Variants in ZNF676 observed in about 807,000 individuals in gnomAD.
The protein encoded by ZNF676 is zinc finger protein 676.
ZNF676 carries 4 observed loss-of-function variants against 6.0 expected under a neutral mutation model. That is an observed-to-expected ratio of 0.67 (90% CI 0.33 to 1.53). ZNF676 has a LOEUF of 1.53. ZNF676 is among the 40% of genes most tolerant of loss of function. The pLI is 0.06. For synonymous variants in ZNF676, 198 were observed against 223.1 expected (o/e 0.89, Z 1.00); for missense variants, 644 against 679.7 (o/e 0.95, Z 0.58).
intron 1 of ZNF676, chr19:22,215,542 CG>C: frequency 7.6e-6 from 11 of 1,453,222 alleles, no homozygotes; most frequent in Non-Finnish European, 1.1e-5. Context: ...GAGCTGACTG[CG>C]GGTAGGCTTG....
chr19:22,222,898 T>C, the ZNF676 span, among the ~76,000 whole-genome samples: 800 of 152,358 alleles, frequency 5.3e-3, 5 homozygotes, highest in Non-Finnish European at 8.6e-3. Flanking sequence ...GATCTGCATA[T>C]GGTGGGGCTT....
At chr19:22,181,650 ATCTAACCTATAAAATTAT>A (rs2023755325) in intron 2 of ZNF676, 64 bp from the exon 3 acceptor site, 2 of 1,267,278 alleles carry the variant, frequency 1.6e-6, no homozygotes, top group Non-Finnish European at 2.1e-6. Flanking sequence ...CAGTTTCCAA[ATCTAACCTATAAAATTAT>A]TCAAACTACA....
chr19:22,179,117 G>C lies in ZNF676; in HGVS notation c.*833C>G, dbSNP rs550921383. 1 of 154,954 alleles carries C rather than the reference G, an allele frequency of 6.5e-6. No homozygotes were observed. The highest frequency in any genetic ancestry group is 2.0e-4 in the South Asian group (1 of 5,048). 9.6% of individuals were successfully genotyped at this position (154,954 alleles called of 1,614,324 possible). A position where few individuals can be genotyped will look rare whatever the true frequency, so the allele number is the denominator to read the frequency against. ...AATGTGTGCCACATTGTTTATTCTA[G>C]TAGTTTTCTCCAGTATATTATCTTA... On this transcript the variant is annotated 3_prime_UTR_variant, in exon 3 of 3. Coordinates refer to ENST00000397121, the MANE Select transcript of ZNF676 (RefSeq NM_001001411.3).
chr19:22,192,473 A>G (rs979699920), intron 2 of ZNF676, among the ~76,000 whole-genome samples: 1 of 152,126 alleles, frequency 6.6e-6, no homozygotes, highest in Non-Finnish European at 1.5e-5. Context: ...TGAAGCTACA[A>G]GAAACTGTGA....
At chr19:22,182,537 C>G (rs1018823433) in intron 2 of ZNF676, among the ~76,000 whole-genome samples, 1 of 74,992 alleles carries the variant, frequency 1.3e-5, no homozygotes, top group Non-Finnish European at 2.6e-5. Context: ...GAATTGTCAA[C>G]AAAAGATTTG....
At chr19:22,225,276 T>C in the ZNF676 span, among the ~76,000 whole-genome samples, 3 of 152,208 alleles carry the variant, frequency 2.0e-5, no homozygotes, top group Admixed American at 2.0e-4. Context: ...TATCTTAAAA[T>C]GTGACAAAAT....
At chr19:22,256,215 G>A in the ZNF676 span, among the ~76,000 whole-genome samples, 1 of 152,216 alleles carries the variant, frequency 6.6e-6, no homozygotes, top group Non-Finnish European at 1.5e-5. Context: ...TTTAAGATAT[G>A]AGAGTCATCA....
At chr19:22,233,801 T>C in the ZNF676 span, among the ~76,000 whole-genome samples, 1 of 152,206 alleles carries the variant, frequency 6.6e-6, no homozygotes, top group Non-Finnish European at 1.5e-5. Flanking sequence ...CAGGGGTAGC[T>C]GGGGAAAGAT....
At chr19:22,188,914 A>T (rs1361002244) in intron 2 of ZNF676, among the ~76,000 whole-genome samples, 2 of 152,202 alleles carry the variant, frequency 1.3e-5, no homozygotes, top group African/African-American at 4.8e-5. Flanking sequence ...ATATCGTGAA[A>T]ATGGCCATAC....
chr19:22,243,592 C>G, the ZNF676 span: 1 of 152,018 alleles, frequency 6.6e-6, no homozygotes, highest in African/African-American at 2.4e-5. Flanking sequence ...GGGTTTTCAC[C>G]TGTGTGCTGG....
chr19:22,235,020 G>GA, the ZNF676 span, among the ~76,000 whole-genome samples: 40 of 56,700 alleles, frequency 7.1e-4, 1 homozygote, highest in South Asian at 4.8e-3. Flanking sequence ...AAGAAAGAAA[G>GA]AAAGAAAGAA....
the ZNF676 span, among the ~76,000 whole-genome samples, chr19:22,241,625 A>G: frequency 6.6e-6 from 1 of 151,550 alleles, no homozygotes; most frequent in African/African-American, 2.4e-5. Flanking sequence ...CGGTCTCTCT[A>G]TCAATCAAGG....
At chr19:22,253,404 G>GTGTATATATATATATATA in the ZNF676 span, among the ~76,000 whole-genome samples, 820 of 96,792 alleles carry the variant, frequency 8.5e-3, 10 homozygotes, top group South Asian at 0.026. Context: ...ATGATAATGT[G>GTGTATATATATATATATA]TATATATATA....
intron 1 of ZNF676, chr19:22,203,342 G>A (rs2024044581): frequency 1.3e-5 from 2 of 153,428 alleles, no homozygotes; most frequent in African/African-American, 2.4e-5. Flanking sequence ...CAGACACCAC[G>A]GAATACTAAT....
At chr19:22,194,711 C>T (rs537531946) in intron 1 of ZNF676, among the ~76,000 whole-genome samples, 1 of 152,186 alleles carries the variant, frequency 6.6e-6, no homozygotes, top group African/African-American at 2.4e-5. Context: ...AAAATTTCAT[C>T]ATAATAACAC....
At chr19:22,223,828 T>A in the ZNF676 span, among the ~76,000 whole-genome samples, 1 of 152,044 alleles carries the variant, frequency 6.6e-6, no homozygotes, top group African/African-American at 2.4e-5. Flanking sequence ...TTTAATTATA[T>A]TCTGCAGACT....
Position 22,179,546 on chromosome 19 carries a change from T to C in ZNF676, c.*404A>G. ...CTTCACATTTGTAGGGTTTCCCTCC[T>C]GTATAAATTCCCTTATGTTCAGTAA... On this transcript the variant is annotated 3_prime_UTR_variant, in exon 3 of 3. Transcript: ENST00000397121. 2 of 396,230 alleles carry C rather than the reference T, an allele frequency of 5.0e-6. No homozygotes were observed. Among genetic ancestry groups the C allele is most frequent in the Admixed American group, 3.3e-5 (1 of 30,636 alleles). 24.5% of individuals were successfully genotyped at this position (396,230 alleles called of 1,614,324 possible).
At chr19:22,234,420 A>G in the ZNF676 span, among the ~76,000 whole-genome samples, 36 of 152,280 alleles carry the variant, frequency 2.4e-4, no homozygotes, top group South Asian at 8.3e-4. Flanking sequence ...GATCACATAT[A>G]TACCACATCC....
At chr19:22,223,435 C>A in the ZNF676 span, among the ~76,000 whole-genome samples, 7 of 151,918 alleles carry the variant, frequency 4.6e-5, no homozygotes, top group Non-Finnish European at 8.8e-5. Flanking sequence ...AGCCAGGATG[C>A]CTGGATCTCT....
Sources: gnomAD v4.1 joint callset for allele counts (sites outside exome capture counted in the v4.1 genomes callset) on GRCh38, gnomAD v4.1.1 for gene constraint, MANE v1.5 for transcripts, NCBI Gene and HGNC (gene_info 2026-07-23, HGNC 2026-07-21) for gene names.